GPHN: variants seen among roughly 807,000 people sequenced by gnomAD.
GPHN encodes gephyrin.
A neutral mutation model predicts 95.5 loss-of-function variants in GPHN; 17 were observed. The observed-to-expected ratio is 0.18, with a 90% CI of 0.12 to 0.27. GPHN has a LOEUF of 0.27. GPHN is among the 10% of genes least tolerant of loss of function. The pLI is 1.00. For synonymous variants in GPHN, 320 were observed against 322.5 expected, an observed-to-expected ratio of 0.99 and a Z score of 0.08; for missense variants, 660 against 978.1, an observed-to-expected ratio of 0.67 and a Z score of 4.34.
At chr14:66,663,222 G>A (rs1385837545) in intron 1 of GPHN, among the ~76,000 whole-genome samples, 1 of 152,166 alleles carries the variant, frequency 6.6e-6, no homozygotes, top group Non-Finnish European at 1.5e-5. Flanking sequence ...AGGACAGCCA[G>A]AGAGAAAGGC....
intron 1 of GPHN, among the ~76,000 whole-genome samples, chr14:66,549,194 A>G (rs1040705116): frequency 6.6e-6 from 1 of 152,198 alleles, no homozygotes; most frequent in African/African-American, 2.4e-5. Flanking sequence ...TTTGGGGTAC[A>G]TGTACAGATT....
chr14:66,932,451 T>TG (rs2066861270), intron 8 of GPHN, among the ~76,000 whole-genome samples: 2 of 110,704 alleles, frequency 1.8e-5, no homozygotes, highest in Non-Finnish European at 3.9e-5. Flanking sequence ...CAGGTTTTTT[T>TG]TTTTTTTTTT....
At chr14:66,718,691 C>T (rs541211020) in intron 2 of GPHN, among the ~76,000 whole-genome samples, 4 of 152,160 alleles carry the variant, frequency 2.6e-5, no homozygotes, top group East Asian at 1.9e-4. Flanking sequence ...CTGATTGGTG[C>T]GTTTACAATC....
chr14:66,848,294 G>A (rs537925829), intron 4 of GPHN, among the ~76,000 whole-genome samples: 1 of 152,110 alleles, frequency 6.6e-6, no homozygotes, highest in African/African-American at 2.4e-5. Flanking sequence ...TGTAATCAAA[G>A]GTGGTAATCG....
intron 2 of GPHN, among the ~76,000 whole-genome samples, chr14:66,695,797 G>T (rs1034268411): frequency 6.6e-6 from 1 of 152,146 alleles, no homozygotes; most frequent in African/African-American, 2.4e-5. Context: ...ATGACTTTCT[G>T]GAAAAGGCAA....
At chr14:66,787,832 C>T (rs1174685820) in intron 3 of GPHN, among the ~76,000 whole-genome samples, 3 of 147,402 alleles carry the variant, frequency 2.0e-5, no homozygotes, top group African/African-American at 7.4e-5. Flanking sequence ...TTTCAAAATA[C>T]ATAGTAGGCT....
chr14:66,985,441 A>T (rs1393523802), intron 9 of GPHN, among the ~76,000 whole-genome samples: 1 of 152,126 alleles, frequency 6.6e-6, no homozygotes, highest in Non-Finnish European at 1.5e-5. Context: ...AAGATAACCA[A>T]AAGTAAGTGC....
intron 5 of GPHN, among the ~76,000 whole-genome samples, chr14:66,902,985 A>G (rs2065193050): frequency 6.6e-6 from 1 of 152,150 alleles, no homozygotes; most frequent in African/African-American, 2.4e-5. Context: ...ACACAAATAA[A>G]CTAGAAAATC....
chr14:67,651,430 G>A, the GPHN span: 1 of 1,614,052 alleles, frequency 6.2e-7, no homozygotes, highest in Non-Finnish European at 8.5e-7. Context: ...CTCCCAGGAT[G>A]GCGAGCTCCA....
intron 10 of GPHN, among the ~76,000 whole-genome samples, chr14:67,030,839 G>A (rs1187294596): frequency 6.6e-6 from 1 of 152,084 alleles, no homozygotes; most frequent in Non-Finnish European, 1.5e-5. Context: ...CTCAATAAGA[G>A]TTGATTGGAT....
intron 10 of GPHN, among the ~76,000 whole-genome samples, chr14:67,029,616 C>T (rs1349258348): frequency 6.6e-6 from 1 of 152,186 alleles, no homozygotes; most frequent in East Asian, 1.9e-4. Flanking sequence ...GGATTACAGG[C>T]GTGAGCCACT....
the GPHN span, chr14:67,320,104 C>T: frequency 5.8e-6 from 4 of 687,392 alleles, no homozygotes; most frequent in East Asian, 3.0e-5. Flanking sequence ...TTCATGATAC[C>T]CTAGCAAGGA....
the GPHN span, among the ~76,000 whole-genome samples, chr14:67,358,385 G>T: frequency 6.6e-6 from 1 of 152,100 alleles, no homozygotes; most frequent in African/African-American, 2.4e-5. Flanking sequence ...AGAAATCTGG[G>T]CTTCAGGTTT....
At chr14:66,789,471 T>G (rs1418245692) in intron 3 of GPHN, among the ~76,000 whole-genome samples, 2 of 152,224 alleles carry the variant, frequency 1.3e-5, no homozygotes, top group African/African-American at 4.8e-5. Flanking sequence ...ATCCAGTAGT[T>G]AAAAGGTTTT....
intron 3 of GPHN, among the ~76,000 whole-genome samples, chr14:66,782,137 G>A (rs2059628021): frequency 6.6e-6 from 1 of 151,936 alleles, no homozygotes; most frequent in African/African-American, 2.4e-5. Flanking sequence ...AAATCCTGAG[G>A]GATAATTCTT....
At chr14:67,693,060 C>T in the GPHN span, 1 of 1,593,250 alleles carries the variant, frequency 6.3e-7, no homozygotes, top group Non-Finnish European at 8.6e-7. Flanking sequence ...TTCCTGCAGA[C>T]AGAGAAGGAG....
chr14:67,590,000 T>C, the GPHN span: 42 of 1,472,730 alleles, frequency 2.9e-5, 1 homozygote, highest in South Asian at 3.9e-4. Flanking sequence ...ACCTGATGGT[T>C]TGGAGTACGG....
chr14:67,139,619 T>C (rs2080329126), intron 17 of GPHN, among the ~76,000 whole-genome samples: 1 of 152,190 alleles, frequency 6.6e-6, no homozygotes, highest in African/African-American at 2.4e-5. Context: ...TTTCTTAAAA[T>C]GAGCATAGTA....
chr14:66,899,494 G>A (rs926985388), intron 5 of GPHN, among the ~76,000 whole-genome samples: 87 of 151,746 alleles, frequency 5.7e-4, no homozygotes, highest in African/African-American at 2.1e-3. Context: ...ATTTTGTCCG[G>A]TGAATTTCCT....
Sources: allele counts gnomAD v4.1 joint callset (sites outside exome capture counted in the v4.1 genomes callset), GRCh38; gene constraint gnomAD v4.1.1; transcripts MANE v1.5; gene names NCBI Gene and HGNC (gene_info 2026-07-23, HGNC 2026-07-21).